CAMK1D: variants seen among roughly 807,000 people sequenced by gnomAD.
CAMK1D encodes calcium/calmodulin-dependent protein kinase type 1D.
In CAMK1D, 9 loss-of-function variants were observed where a neutral mutation model predicts 47.7. The observed-to-expected ratio is 0.19, with a 90% confidence interval of 0.11 to 0.33. CAMK1D has a LOEUF of 0.33. Among genes scored for constraint, CAMK1D ranks in the 10% least tolerant of loss-of-function variants. The probability of loss-of-function intolerance (pLI) is 1.00; values close to 1 mark genes in which losing one functional copy is unlikely to be tolerated. For missense variants in CAMK1D, 291 were observed against 488.7 expected (o/e 0.60, Z 3.81); for synonymous variants, 184 against 184.9 (o/e 0.99, Z 0.04).
intron 1 of CAMK1D, among the ~76,000 whole-genome samples, chr10:12,552,115 C>A (rs548863215): frequency 6.6e-6 from 1 of 152,314 alleles, no homozygotes; most frequent in South Asian, 2.1e-4. Flanking sequence ...TGCACGCAGG[C>A]CTTGCCTACC....
chr10:12,654,274 T>A (rs1179152306), intron 2 of CAMK1D, among the ~76,000 whole-genome samples: 2 of 152,210 alleles, frequency 1.3e-5, no homozygotes, highest in Non-Finnish European at 2.9e-5. Context: ...CCACAGTGAA[T>A]CTGAAACAAG....
intron 1 of CAMK1D, among the ~76,000 whole-genome samples, chr10:12,542,282 G>T (rs1214467576): frequency 6.6e-6 from 1 of 151,368 alleles, no homozygotes; most frequent in Admixed American, 6.6e-5. Context: ...TCGGAGGCTG[G>T]GGGGTAACGT....
intron 3 of CAMK1D, among the ~76,000 whole-genome samples, chr10:12,735,789 T>A (rs1183276944): frequency 1.3e-5 from 2 of 151,372 alleles, no homozygotes; most frequent in African/African-American, 4.8e-5. Flanking sequence ...GCATCTTTTT[T>A]TTTTTTTAAG....
chr10:12,643,875 C>T lies in CAMK1D; in HGVS notation c.225-22861C>T, dbSNP rs146651620. Among the ~76,000 whole-genome samples, 247 of 145,344 alleles carry T rather than the reference C, an allele frequency of 1.7e-3. 1 individual carries two copies. The Middle Eastern group carries it at 0.018, about 10-fold the overall frequency. ...CTCCAGCCCGGGCGACAGAGTGAGACTCTGACTCAAAAAAAAAAAAAAAAA... is the reference window on the plus strand; with the variant it reads ...CTCCAGCCCGGGCGACAGAGTGAGATTCTGACTCAAAAAAAAAAAAAAAAA... On this transcript the variant is annotated intron_variant, in intron 2 of 10. Transcript: ENST00000619168.
At chr10:12,583,565 C>A (rs576628010) in intron 2 of CAMK1D, among the ~76,000 whole-genome samples, 1 of 150,690 alleles carries the variant, frequency 6.6e-6, no homozygotes, top group East Asian at 1.9e-4. Flanking sequence ...TCCCCTTTGA[C>A]GTTTCTTTGG....
intron 2 of CAMK1D, among the ~76,000 whole-genome samples, chr10:12,617,011 A>G (rs1006556506): frequency 1.3e-5 from 2 of 152,100 alleles, no homozygotes; most frequent in African/African-American, 4.8e-5. Context: ...CGCCTTTTTA[A>G]TATCCCTGTC....
intron 1 of CAMK1D, among the ~76,000 whole-genome samples, chr10:12,544,584 A>T (rs1414422946): frequency 1.3e-5 from 2 of 152,272 alleles, no homozygotes; most frequent in Non-Finnish European, 2.9e-5. Flanking sequence ...TAAATCAGGA[A>T]GGACTCAAAT....
intron 2 of CAMK1D, among the ~76,000 whole-genome samples, chr10:12,628,952 C>A (rs554485504): frequency 6.6e-6 from 1 of 152,280 alleles, no homozygotes; most frequent in East Asian, 1.9e-4. Context: ...TAGCTTATTT[C>A]TTTTTAGCAC....
At chr10:12,390,787 C>T (rs1237524720) in intron 1 of CAMK1D, among the ~76,000 whole-genome samples, 1 of 152,166 alleles carries the variant, frequency 6.6e-6, no homozygotes, top group Non-Finnish European at 1.5e-5. Flanking sequence ...TGAGATCACA[C>T]AGCTAGTGAG....
chr10:12,774,953 G>A (rs1837215670), intron 5 of CAMK1D, among the ~76,000 whole-genome samples: 1 of 152,292 alleles, frequency 6.6e-6, no homozygotes, highest in Non-Finnish European at 1.5e-5. Context: ...GCTGCTCTAG[G>A]ACACGAGCTG....
chr10:12,445,521 G>A (rs962026800), intron 1 of CAMK1D, among the ~76,000 whole-genome samples: 2 of 152,134 alleles, frequency 1.3e-5, no homozygotes, highest in Non-Finnish European at 2.9e-5. Flanking sequence ...TACAGACTGG[G>A]CAGAAGAGTA....
intron 1 of CAMK1D, among the ~76,000 whole-genome samples, chr10:12,379,758 A>G (rs1031934149): frequency 4.6e-5 from 7 of 152,118 alleles, no homozygotes; most frequent in African/African-American, 1.7e-4. Flanking sequence ...GTCTCAATCA[A>G]TCAATTAATC....
intron 1 of CAMK1D, among the ~76,000 whole-genome samples, chr10:12,521,112 A>G (rs11528714): frequency 0.53 from 79,601 of 151,582 alleles, 21,023 homozygotes; most frequent in South Asian, 0.68. Flanking sequence ...TCTGTTTTCA[A>G]TTTCATTGAT....
At chr10:12,516,725 A>G (rs909026146) in intron 1 of CAMK1D, among the ~76,000 whole-genome samples, 2 of 152,226 alleles carry the variant, frequency 1.3e-5, no homozygotes, top group Admixed American at 6.5e-5. Flanking sequence ...TGAATTTTCA[A>G]TTCCCTAATA....
At chr10:12,784,556 T>A (rs1345880819) in intron 5 of CAMK1D, among the ~76,000 whole-genome samples, 3 of 151,630 alleles carry the variant, frequency 2.0e-5, no homozygotes, top group African/African-American at 4.9e-5. Context: ...ACACTGAGAG[T>A]TAGGGTGAAT....
rs572271174 is a variant in CAMK1D, at chr10:12,640,283, C to T, written c.225-26453C>T. ...GCTTTGCCCAAGTTGCAGGTTCTGT[C>T]AGAAGGAGTGGGGAGAAGGAGAAGG... is the stretch of plus-strand genomic sequence containing the variant. On this transcript the variant is annotated intron_variant, in intron 2 of 10. Coordinates refer to ENST00000619168, the MANE Select transcript of CAMK1D (RefSeq NM_153498.4). Among the ~76,000 whole-genome samples the T allele has an allele frequency of 2.0e-5, 3 of 147,034 alleles. No homozygotes were observed. The South Asian group carries it at 6.4e-4, about 31-fold the overall frequency.
intron 3 of CAMK1D, among the ~76,000 whole-genome samples, chr10:12,684,064 G>A (rs567904925): frequency 6.6e-6 from 1 of 152,266 alleles, no homozygotes; most frequent in African/African-American, 2.4e-5. Flanking sequence ...GGTATTTCTT[G>A]TCTTTGAGAG....
At chr10:12,352,828 A>C (rs1020257284) in intron 1 of CAMK1D, among the ~76,000 whole-genome samples, 8 of 146,524 alleles carry the variant, frequency 5.5e-5, no homozygotes, top group Non-Finnish European at 7.5e-5. Context: ...GCTCTGCCTC[A>C]TGGGTTCACG....
intron 2 of CAMK1D, among the ~76,000 whole-genome samples, chr10:12,659,859 A>G (rs1840224445): frequency 6.6e-6 from 1 of 152,144 alleles, no homozygotes; most frequent in Admixed American, 6.5e-5. Context: ...GCTTGCGGAG[A>G]GAGGCCTTTC....
Sources: allele counts gnomAD v4.1 joint callset (sites outside exome capture counted in the v4.1 genomes callset), GRCh38; gene constraint gnomAD v4.1.1; transcripts MANE v1.5; gene names NCBI Gene and HGNC (gene_info 2026-07-23, HGNC 2026-07-21).